NUP58: variants seen among roughly 807,000 people sequenced by gnomAD.
NUP58 encodes nucleoporin p58/p45.
A neutral mutation model predicts 70.1 loss-of-function variants in NUP58; 17 were observed. The ratio of observed to expected loss-of-function variants is 0.24; its 90% confidence interval spans 0.17 to 0.36. The LOEUF (loss-of-function observed/expected upper bound fraction) is 0.36. Ranked by LOEUF, NUP58 falls within the 10% of genes least tolerant of loss-of-function variation. NUP58 has a pLI of 1.00. For missense variants in NUP58, 644 were observed against 701.5 expected (o/e 0.92, Z 0.93); for synonymous variants, 275 against 257.6 (o/e 1.07, Z -0.65).
At chr13:25,310,738 C>G (rs912662635) in intron 3 of NUP58, among the ~76,000 whole-genome samples, 5 of 152,104 alleles carry the variant, frequency 3.3e-5, no homozygotes, top group African/African-American at 9.7e-5. Flanking sequence ...TAGTTGTGAT[C>G]AGGGCAATCC....
At chr13:25,317,858 A>AT (rs34535848) in intron 6 of NUP58, 63,667 of 118,518 alleles carry the variant, frequency 0.54, 18,296 homozygotes, top group East Asian at 0.86. Context: ...AAAATGCTTG[A>AT]TTTTTTTTTT....
At chr13:25,336,398 G>A (rs2031784024) in intron 13 of NUP58, 4 of 700,890 alleles carry the variant, frequency 5.7e-6, no homozygotes, top group Non-Finnish European at 8.3e-6. Flanking sequence ...TTTCATATGA[G>A]AAATCATGCC....
intron 8 of NUP58, 120 bp from the exon 9 acceptor site, chr13:25,320,799 C>A: frequency 1.3e-6 from 1 of 753,146 alleles, no homozygotes; most frequent in Non-Finnish European, 2.0e-6. Context: ...AAAGTGTGAA[C>A]TATAGATGAA....
chr13:25,308,970 A>G (rs2030518167), intron 2 of NUP58, among the ~76,000 whole-genome samples: 2 of 152,110 alleles, frequency 1.3e-5, no homozygotes, highest in African/African-American at 2.4e-5. Flanking sequence ...TTTTGTTTGG[A>G]GTTGCTTTTT....
At chr13:25,324,625 CATT>C (rs1426417094) in intron 9 of NUP58, among the ~76,000 whole-genome samples, 3 of 151,984 alleles carry the variant, frequency 2.0e-5, no homozygotes, top group Non-Finnish European at 4.4e-5. Context: ...TCAGCCTCAA[CATT>C]ATTATTGCCA....
chr13:25,310,603 C>A (rs530768713), intron 3 of NUP58, among the ~76,000 whole-genome samples: 2 of 144,296 alleles, frequency 1.4e-5, no homozygotes, highest in Non-Finnish European at 3.0e-5. Flanking sequence ...CCTCAAGCCA[C>A]GTGCCCTCTT....
intron 13 of NUP58, chr13:25,332,882 A>G (rs1403411117): frequency 5.5e-5 from 54 of 985,328 alleles, no homozygotes; most frequent in Non-Finnish European, 6.4e-5. Flanking sequence ...AATTATGACC[A>G]TCAGCTCTCA....
chr13:25,316,211 T>C (rs1180224329), intron 6 of NUP58, among the ~76,000 whole-genome samples: 1 of 152,226 alleles, frequency 6.6e-6, no homozygotes, highest in Admixed American at 6.5e-5. Context: ...CCTTTCTTGC[T>C]GTGCCCTTGC....
In NUP58 at chr13:25,312,997, T is replaced by A. The variant is rs778053229; in HGVS notation, c.401T>A (p.Leu134Gln). Residue 134 changes from leucine to glutamine, a missense_variant, in exon 4 of 16, where the codon CTG (leucine) becomes CAG (glutamine). By Grantham distance (113) the Leu-to-Gln change is moderately radical. Coordinates refer to ENST00000381736, the MANE Select transcript of NUP58 (RefSeq NM_014089.4). ...ATTACCTCTACCTCAGCTAGCGGTC[T>A]GACTCTTTCGTCTGCTCTGACATCA... ...LPITSTSASG[L>Q]TLSSALTSTP... is the part of the protein sequence containing the mutation. 3.1e-6 allele frequency: 5 copies of A among 1,614,066 alleles called. No individual in the cohort carries two copies. The African/African-American group carries it at 6.7e-5, about 22-fold the overall frequency.
intron 3 of NUP58, among the ~76,000 whole-genome samples, chr13:25,311,797 G>A (rs182941307): frequency 9.2e-5 from 14 of 151,620 alleles, no homozygotes; most frequent in African/African-American, 3.4e-4. Flanking sequence ...TATGGCCTAA[G>A]CTAAGGTTTT....
intron 5 of NUP58, among the ~76,000 whole-genome samples, chr13:25,314,676 CAA>C (rs1451624805): frequency 2.0e-5 from 3 of 152,084 alleles, no homozygotes; most frequent in African/African-American, 7.2e-5. Flanking sequence ...GCCTGGGCAA[CAA>C]GAGCGAAACT....
At chr13:25,326,670 A>G (rs1453032044) in intron 10 of NUP58, among the ~76,000 whole-genome samples, 1 of 152,164 alleles carries the variant, frequency 6.6e-6, no homozygotes, top group Non-Finnish European at 1.5e-5. Flanking sequence ...CTAAACTACT[A>G]AACTTACTGA....
chr13:25,327,468 G>T lies in NUP58; in HGVS notation c.1189G>T (p.Val397Leu). The change falls in exon 12 of 16, where the codon GTA becomes TTA. Residue 397 changes from valine (V) to leucine (L), a missense_variant. By Grantham distance (32) the Val-to-Leu change is conservative. Transcript: ENST00000381736. Reference protein sequence around the residue: ...MAMQKIYQTFVALAAQLQSIH... With the variant: ...MAMQKIYQTFLALAAQLQSIH... Reference sequence around the variant, plus strand: ...TATGCAGAAAATTTATCAAACATTTGTAGCTTTAGCGGCACAACTTCAGTC... The same window carrying T: ...TATGCAGAAAATTTATCAAACATTTTTAGCTTTAGCGGCACAACTTCAGTC... The T allele has an allele frequency of 6.2e-7, 1 of 1,610,670 alleles. No homozygotes were observed. Among genetic ancestry groups the T allele is most frequent in the Non-Finnish European group, 8.5e-7 (1 of 1,178,532 alleles).
chr13:25,329,536 C>T (rs1343462813), intron 12 of NUP58, among the ~76,000 whole-genome samples: 2 of 152,090 alleles, frequency 1.3e-5, no homozygotes, highest in Non-Finnish European at 2.9e-5. Context: ...AACCCAGGAA[C>T]GAAAGGATAT....
At chr13:25,323,954 G>T (rs552728497) in intron 9 of NUP58, among the ~76,000 whole-genome samples, 2 of 152,254 alleles carry the variant, frequency 1.3e-5, no homozygotes, top group Admixed American at 6.5e-5. Context: ...CCTCAAGTGG[G>T]CATTTTTATC....
rs915650467 is a variant in NUP58, at chr13:25,327,424, T to C, written c.1151-6T>C. ...ATTTGGGTGATAATGTAATTTTCTT[T>C]TATAGATTTGTCAATGGCTATGCAG... is the stretch of plus-strand genomic sequence containing the variant. On this transcript the variant is annotated splice_region_variant and splice_polypyrimidine_tract_variant and intron_variant, in intron 11 of 15. Transcript: ENST00000381736. 7 of 1,577,956 alleles carry C rather than the reference T, an allele frequency of 4.4e-6. No homozygotes were observed. The highest frequency in any genetic ancestry group is 2.7e-5 in the African/African-American group (2 of 74,062).
chr13:25,327,389 A>G lies in NUP58; in HGVS notation c.1151-41A>G, dbSNP rs139244428. On this transcript the variant is annotated intron_variant, in intron 11 of 15. Coordinates refer to ENST00000381736, the MANE Select transcript of NUP58 (RefSeq NM_014089.4). The stretch of plus-strand genomic sequence containing the variant: ...AAAAATAAAATGGATTGTGCTATAT[A>G]TATGTATATATTTGGGTGATAATGT... The G allele has an allele frequency of 3.6e-4, 462 of 1,266,942 alleles. 3 individuals carry two copies. The highest frequency in any genetic ancestry group is 3.0e-3 in the South Asian group (242 of 80,702). The allele number at this position is 1,266,942 out of a possible 1,614,324, so 78.5% of individuals were successfully genotyped here.
downstream of NUP58, among the ~76,000 whole-genome samples, chr13:25,344,683 A>G (rs982363439): frequency 3.9e-5 from 6 of 152,222 alleles, no homozygotes; most frequent in African/African-American, 9.6e-5. Context: ...TAAGCACAGC[A>G]TGATACATGC....
chr13:25,347,825 C>A (rs189985231), intron 3 of NUP58, among the ~76,000 whole-genome samples: 7 of 152,290 alleles, frequency 4.6e-5, no homozygotes, highest in Admixed American at 3.3e-4. Context: ...AAGGATCGAT[C>A]TAAAGAACAA....
Sources: allele counts gnomAD v4.1 joint callset (sites outside exome capture counted in the v4.1 genomes callset), GRCh38; gene constraint gnomAD v4.1.1; transcripts MANE v1.5; gene names NCBI Gene and HGNC (gene_info 2026-07-23, HGNC 2026-07-21).